Variants in FLACC1 observed in about 807,000 individuals in gnomAD.
FLACC1 encodes the protein flagellum associated containing coiled-coil domains 1, also known as flagellum-associated coiled-coil domain-containing protein 1.
FLACC1 carries 66 observed loss-of-function variants against 62.8 expected under a neutral mutation model. The observed-to-expected ratio is 1.05, with a 90% CI of 0.86 to 1.29. The LOEUF (loss-of-function observed/expected upper bound fraction) is 1.29. Among genes scored for constraint, FLACC1 ranks in the 50% most tolerant of loss-of-function variants. The pLI is 0.00. For synonymous variants in FLACC1, 156 were observed against 161.0 expected (o/e 0.97, Z 0.24); for missense variants, 452 against 489.1 (o/e 0.92, Z 0.71).
intron 9 of FLACC1, among the ~76,000 whole-genome samples, chr2:201,320,343 T>A (rs1490698972): frequency 6.6e-6 from 1 of 152,224 alleles, no homozygotes; most frequent in Non-Finnish European, 1.5e-5. Context: ...GAGCTGCCAG[T>A]GCAGGAACTG....
chr2:201,302,487 C>A (rs10192765), intron 11 of FLACC1, among the ~76,000 whole-genome samples: 1,689 of 152,214 alleles, frequency 0.011, 38 homozygotes, highest in African/African-American at 0.039. Flanking sequence ...TAATGGGAGA[C>A]TTTAATACCC....
chr2:201,360,416 G>A (rs144286517), upstream of FLACC1, among the ~76,000 whole-genome samples: 1 of 152,316 alleles, frequency 6.6e-6, no homozygotes, highest in East Asian at 1.9e-4. Flanking sequence ...CAGCATTCAC[G>A]AAGTGGCAAA....
At position 201,288,659 on chromosome 2, in the gene FLACC1, G is replaced by C. The variant is rs202124288; in HGVS notation, c.1265C>G (p.Ser422Ter). The C allele has an allele frequency of 1.0e-4, 168 of 1,612,996 alleles. No individual in the cohort carries two copies. The highest frequency in any genetic ancestry group is 1.1e-4 in the Non-Finnish European group (127 of 1,179,596). ...VQDGSKKGQE[S>*] ...CAATGCAGAGCAACTTTTTGTTTAT[G>C]ATTCTTGTCCTTTCTTGCTACCATC... The change falls in exon 15 of 15, where the codon TCA becomes TGA. Residue 422 changes from serine (S) to a stop codon, truncating the protein, a stop_gained. Transcript: ENST00000392257. LOFTEE classifies it high-confidence loss of function.
rs1949638533 is a variant in FLACC1, at chr2:201,288,439, C to T, written c.*216G>A. 4.4e-6 allele frequency: 2 copies of T among 450,146 alleles called. No individual in the cohort carries two copies. The allele number at this position is 450,146 out of a possible 1,614,324, so 27.9% of individuals were successfully genotyped here. On this transcript the variant is annotated 3_prime_UTR_variant, in exon 15 of 15. Coordinates refer to ENST00000392257, the MANE Select transcript of FLACC1 (RefSeq NM_001127391.3). ...AGTACAAAACTCAGAGAAAGCTCAGCTCCCAGTATGGAGAGCATCATTTTT... is the reference window on the plus strand; with the variant it reads ...AGTACAAAACTCAGAGAAAGCTCAGTTCCCAGTATGGAGAGCATCATTTTT...
intron 3 of FLACC1, among the ~76,000 whole-genome samples, chr2:201,348,977 T>C (rs1950972248): frequency 6.6e-6 from 1 of 152,210 alleles, no homozygotes; most frequent in Admixed American, 6.5e-5. Flanking sequence ...AGGACCTTTG[T>C]GATTACATGG....
At chr2:201,344,359 G>A (rs1559417892) in intron 5 of FLACC1, 96 bp from the exon 6 acceptor site, 5 of 1,022,058 alleles carry the variant, frequency 4.9e-6, no homozygotes, top group Non-Finnish European at 7.7e-6. Flanking sequence ...GTGAGAGCTG[G>A]CCTGGTGAGA....
chr2:201,345,667 G>A (rs901161828), intron 5 of FLACC1, among the ~76,000 whole-genome samples: 22 of 151,978 alleles, frequency 1.4e-4, no homozygotes, highest in Non-Finnish European at 2.5e-4. Context: ...GAGATTAAAG[G>A]GTAGAATGAA....
intron 11 of FLACC1, among the ~76,000 whole-genome samples, chr2:201,303,617 A>G (rs909070851): frequency 1.3e-5 from 2 of 152,194 alleles, no homozygotes; most frequent in Non-Finnish European, 2.9e-5. Context: ...CCTGGCAGAG[A>G]CACAACAAAA....
At chr2:201,309,905 CAA>C (rs1161849891) in intron 9 of FLACC1, among the ~76,000 whole-genome samples, 7 of 44,674 alleles carry the variant, frequency 1.6e-4, no homozygotes, top group East Asian at 6.5e-4. Flanking sequence ...GACTCTGTCT[CAA>C]AAAAAAAAAA....
At chr2:201,347,487 C>T (rs1027144777) in intron 4 of FLACC1, among the ~76,000 whole-genome samples, 1 of 152,112 alleles carries the variant, frequency 6.6e-6, no homozygotes, top group African/African-American at 2.4e-5. Context: ...ATATTTTTTT[C>T]CCTAACCATT....
At chr2:201,291,049 G>GC (rs1468613389) in intron 12 of FLACC1, among the ~76,000 whole-genome samples, 1 of 152,234 alleles carries the variant, frequency 6.6e-6, no homozygotes, top group African/African-American at 2.4e-5. Context: ...ACTGGGTGGA[G>GC]CCCACCGCAG....
At chr2:201,361,036 C>T (rs1342383549), upstream of FLACC1, among the ~76,000 whole-genome samples, 1 of 152,082 alleles carries the variant, frequency 6.6e-6, no homozygotes, top group Non-Finnish European at 1.5e-5. Flanking sequence ...CAAGATCGTG[C>T]CACTGCATTC....
chr2:201,323,593 C>T lies in FLACC1; in HGVS notation c.675+6877G>A, dbSNP rs528767863. Among the ~76,000 whole-genome samples, 4 of 152,096 alleles carry T rather than the reference C, an allele frequency of 2.6e-5. No individual in the cohort carries two copies. In the East Asian group the frequency reaches 5.8e-4, roughly 22 times the overall value. ...ACCAAACTACAAGAAATGCTACCAG[C>T]CTGGCCACATGGCAAAACCCTGTCT... On this transcript the variant is annotated intron_variant, in intron 9 of 14. Coordinates refer to ENST00000392257, the MANE Select transcript of FLACC1 (RefSeq NM_001127391.3).
chr2:201,344,098 G>A (rs893184725), intron 6 of FLACC1, 72 bp downstream of exon 6: 17 of 1,370,002 alleles, frequency 1.2e-5, no homozygotes, highest in Non-Finnish European at 1.6e-5. Context: ...CATTTTGCCT[G>A]GCACATAGGT....
intron 9 of FLACC1, among the ~76,000 whole-genome samples, chr2:201,311,047 G>A (rs1950207597): frequency 6.6e-6 from 1 of 151,694 alleles, no homozygotes; most frequent in South Asian, 2.1e-4. Flanking sequence ...TAGAGGAAAT[G>A]GATAAATTCC....
rs112328840 is a variant in FLACC1 at position 201,351,295 on chromosome 2, G to C, written c.110C>G (p.Ser37Cys). 9 of 1,610,128 alleles carry C rather than the reference G, an allele frequency of 5.6e-6. No homozygotes were observed. Among genetic ancestry groups the C allele is most frequent in the Non-Finnish European group, 6.8e-6 (8 of 1,176,442 alleles). The change falls in exon 2 of 15, where the codon TCC becomes TGC. Residue 37 changes from serine (S) to cysteine (C), a missense_variant. By Grantham distance (112) the Ser-to-Cys change is moderately radical. This residue lies in a region of FLACC1 where 147 missense variants were observed against 152.7 expected (regional missense o/e 0.96). Transcript: ENST00000392257. ...CCCCATCCCAGATAATTCTTACTTG[G>C]AACTCCCTGTGGAGTTCTTGCGTGG... Reference protein sequence around the residue: ...QLPRKNSTGSSKLTPLVPAPK... With the variant: ...QLPRKNSTGSCKLTPLVPAPK...
intron 12 of FLACC1, among the ~76,000 whole-genome samples, chr2:201,293,858 G>C (rs1389470329): frequency 1.3e-5 from 2 of 151,740 alleles, no homozygotes; most frequent in African/African-American, 4.8e-5. Flanking sequence ...CGATCCCACA[G>C]AACTACAAAC....
chr2:201,307,737 C>A, intron 10 of FLACC1, 115 bp from the exon 11 acceptor site: 1 of 795,618 alleles, frequency 1.3e-6, no homozygotes, highest in South Asian at 1.6e-5. Context: ...GACTCAAGGT[C>A]ATTGCAGCCT....
rs747551228 is a variant in FLACC1, at chr2:201,342,405, ACAGCGGAGATC to A, written c.478_488del (p.Asp160CysfsTer2). 6.2e-7 allele frequency: 1 copy of A among 1,614,220 alleles called. No individual in the cohort carries two copies. The highest frequency in any genetic ancestry group is 1.1e-5 in the South Asian group (1 of 91,088). On this transcript the variant is annotated frameshift_variant, in exon 7 of 15. Transcript: ENST00000392257. LOFTEE classifies it high-confidence loss of function. Reference sequence around the variant, plus strand: ...TTTCAAAGTTCTGTTTCATCTCAGCACAGCGGAGATCCATTTCACTGGAGAGCTGGAAACAA... The same window carrying A: ...TTTCAAAGTTCTGTTTCATCTCAGCACATTTCACTGGAGAGCTGGAAACAA...
Sources: allele counts gnomAD v4.1 joint callset (sites outside exome capture counted in the v4.1 genomes callset), GRCh38; gene constraint gnomAD v4.1.1; regional missense constraint gnomAD v4.1.1; transcripts MANE v1.5; gene names NCBI Gene and HGNC (gene_info 2026-07-23, HGNC 2026-07-21).